SLC26A4: variants seen among roughly 807,000 people sequenced by gnomAD.
SLC26A4 encodes the protein solute carrier family 26 member 4, also known as pendrin.
A neutral mutation model predicts 90.4 loss-of-function variants in SLC26A4; 93 were observed. That is an observed-to-expected ratio of 1.03 (90% CI 0.87 to 1.22). SLC26A4 has a LOEUF of 1.22. SLC26A4 is among the 50% of genes most tolerant of loss of function. The probability of loss-of-function intolerance (pLI) is 0.00; values close to 1 mark genes in which losing one functional copy is unlikely to be tolerated. For missense variants in SLC26A4, 1,127 were observed against 946.2 expected (o/e 1.19, Z -2.51); for synonymous variants, 393 against 354.6 (o/e 1.11, Z -1.22).
At chr7:107,709,927 C>G (rs562547408) in intron 18 of SLC26A4, 127 bp from the exon 19 acceptor site, 1 of 724,564 alleles carries the variant, frequency 1.4e-6, no homozygotes. Flanking sequence ...ACTTGGGACG[C>G]GGAGGTTGCA....
At chr7:107,692,055 T>C (rs374998238) in intron 10 of SLC26A4, 16 of 1,289,310 alleles carry the variant, frequency 1.2e-5, no homozygotes, top group Middle Eastern at 4.3e-4. Context: ...CAGGCTCAAA[T>C]GAGGCATGGG....
chr7:107,697,717 C>T (rs530440695), intron 13 of SLC26A4, among the ~76,000 whole-genome samples: 34 of 152,292 alleles, frequency 2.2e-4, no homozygotes, highest in Non-Finnish European at 4.3e-4. Flanking sequence ...TACTGATGAC[C>T]TTTCAGGGTT....
At chr7:107,702,842 T>C (rs1167860043) in intron 17 of SLC26A4, among the ~76,000 whole-genome samples, 2 of 152,196 alleles carry the variant, frequency 1.3e-5, no homozygotes, top group African/African-American at 2.4e-5. Flanking sequence ...CTATTTGTTA[T>C]GTTAACAGCA....
In SLC26A4 at chr7:107,710,176, G is replaced by A. The variant is rs201693917; in HGVS notation, c.2212G>A (p.Gly738Ser). The A allele has an allele frequency of 5.0e-6, 8 of 1,606,232 alleles. No homozygotes were observed. Among genetic ancestry groups the A allele is most frequent in the Non-Finnish European group, 6.0e-6 (7 of 1,173,090 alleles). ...YLQNQVKSQE[G>S]QGSILETITL... ...ACAGAACCAAGTGAAATCTCAAGAG[G>A]GTCAAGGTTCCATTTTAGAAACGGT... The change falls in exon 19 of 21, where the codon GGT (glycine) becomes AGT (serine). Residue 738 changes from glycine to serine, a missense_variant. Transcript: ENST00000644269.
chr7:107,703,677 G>C (rs1043610270), intron 17 of SLC26A4, among the ~76,000 whole-genome samples: 3 of 152,200 alleles, frequency 2.0e-5, no homozygotes, highest in African/African-American at 7.2e-5. Context: ...TATAATGACA[G>C]TTATGATAGC....
At chr7:107,686,681 T>TCTCTACGGGG (rs1791431436) in intron 8 of SLC26A4, among the ~76,000 whole-genome samples, 1 of 152,018 alleles carries the variant, frequency 6.6e-6, no homozygotes, top group Non-Finnish European at 1.5e-5. Context: ...GGTTTCACCA[T>TCTCTACGGGG]GTTGGCCAGG....
chr7:107,681,234 G>A (rs1433605034), intron 6 of SLC26A4, among the ~76,000 whole-genome samples: 3 of 152,296 alleles, frequency 2.0e-5, no homozygotes, highest in East Asian at 3.9e-4. Flanking sequence ...AAGTTCAAGA[G>A]TCTTCCTACA....
At chr7:107,691,146 C>A (rs1175058647) in intron 10 of SLC26A4, among the ~76,000 whole-genome samples, 1 of 118,766 alleles carries the variant, frequency 8.4e-6, no homozygotes, top group East Asian at 2.8e-4. Context: ...CACACACATG[C>A]ACACACACAT....
chr7:107,675,104 A>G lies in SLC26A4; in HGVS notation c.760A>G (p.Ile254Val), dbSNP rs1307561226. The G allele has an allele frequency of 4.3e-6, 7 of 1,613,422 alleles. No homozygotes were observed. The highest frequency in any genetic ancestry group is 3.3e-5 in the Admixed American group (2 of 59,982). Residue 254 changes from isoleucine to valine, a missense_variant, in exon 6 of 21, where the codon ATC becomes GTC. Transcript: ENST00000644269. The part of the protein sequence containing the change: ...TKNYNGVLSI[I>V]YTLVEIFQNI... ...AAACTACAATGGAGTTCTCTCTATT[A>G]TCTATGTAAGTGTTGCTTCTTGCTC... is the stretch of plus-strand genomic sequence containing the variant.
intron 8 of SLC26A4, among the ~76,000 whole-genome samples, chr7:107,684,524 C>G (rs1313646059): frequency 6.6e-6 from 1 of 152,202 alleles, no homozygotes; most frequent in African/African-American, 2.4e-5. Flanking sequence ...CCTCTAATAT[C>G]TGTTCCAAAC....
chr7:107,699,412 T>C (rs1157244065), intron 14 of SLC26A4, among the ~76,000 whole-genome samples: 2 of 152,222 alleles, frequency 1.3e-5, no homozygotes, highest in Non-Finnish European at 2.9e-5. Flanking sequence ...CAAATCCCAT[T>C]GATTTTGCTT....
chr7:107,705,883 G>A (rs577128555), intron 18 of SLC26A4, among the ~76,000 whole-genome samples: 2 of 152,282 alleles, frequency 1.3e-5, no homozygotes, highest in African/African-American at 4.8e-5. Flanking sequence ...CAGCATTCTG[G>A]CGAACTCTCT....
At position 107,701,222 on chromosome 7, in the gene SLC26A4, C is replaced by T. The variant is rs760170242; in HGVS notation, c.1803+26C>T. 5.6e-6 allele frequency: 8 copies of T among 1,418,892 alleles called. No individual in the cohort carries two copies. In the East Asian group the frequency reaches 1.4e-4, roughly 24 times the overall value. 87.9% of individuals were successfully genotyped at this position (1,418,892 alleles called of 1,614,324 possible). A position where few individuals can be genotyped will look rare whatever the true frequency, so the allele number is the denominator to read the frequency against. ...GTGAGATGACATCTTTCTTTTCCCC[C>T]TTAAATTATTTCCTTTCCCTGATGA... On this transcript the variant is annotated intron_variant, in intron 16 of 20. Coordinates refer to ENST00000644269, the MANE Select transcript of SLC26A4 (RefSeq NM_000441.2).
intron 10 of SLC26A4, among the ~76,000 whole-genome samples, chr7:107,690,535 T>C (rs1791539305): frequency 2.6e-5 from 4 of 152,204 alleles, no homozygotes; most frequent in African/African-American, 7.2e-5. Context: ...TAATGAAGGA[T>C]GCTGATTTTT....
At chr7:107,709,437 A>G (rs1223662715) in intron 18 of SLC26A4, among the ~76,000 whole-genome samples, 2 of 152,104 alleles carry the variant, frequency 1.3e-5, no homozygotes, top group African/African-American at 2.4e-5. Context: ...CACCTGGCTA[A>G]TTTTTGTATT....
Position 107,709,147 on chromosome 7 carries a change from C to T in SLC26A4, c.2090-907C>T, listed in dbSNP as rs141423473. 7.1e-4 allele frequency among the ~76,000 whole-genome samples: 108 copies of T among 152,304 alleles called. 3 individuals are homozygous for T. In the East Asian group the frequency reaches 0.019, roughly 27 times the overall value. On this transcript the variant is annotated intron_variant, in intron 18 of 20. Transcript: ENST00000644269. ...AGATCCCTGATTTCACAGGGAGCACCACCACAGGAAGAGTACCAGAAGGTT... is the reference window on the plus strand; with the variant it reads ...AGATCCCTGATTTCACAGGGAGCACTACCACAGGAAGAGTACCAGAAGGTT...
At chr7:107,710,259 G>T in intron 19 of SLC26A4, 60 bp downstream of exon 19, 2 of 1,238,580 alleles carry the variant, frequency 1.6e-6, no homozygotes, top group African/African-American at 1.5e-5. Context: ...TTCTATAAAT[G>T]GCAAACATTA....
At chr7:107,713,249 C>A (rs1792241692) in intron 20 of SLC26A4, among the ~76,000 whole-genome samples, 1 of 152,190 alleles carries the variant, frequency 6.6e-6, no homozygotes, top group Admixed American at 6.5e-5. Context: ...AACATTCTAG[C>A]CCATGCAGAA....
Position 107,715,434 on chromosome 7 carries a change from A to T in SLC26A4, c.2331A>T (p.Thr777=). The change falls in exon 21 of 21, where the codon ACA becomes ACT. Residue 777 remains threonine, a synonymous_variant. Coordinates refer to ENST00000644269, the MANE Select transcript of SLC26A4 (RefSeq NM_000441.2). Reference sequence around the variant, plus strand: ...CCTTGCTTCCACAGGCTATGCGTACACTTGCATCCTGAAAGTGGGTTCGGG... The same window carrying T: ...CCTTGCTTCCACAGGCTATGCGTACTCTTGCATCCTGAAAGTGGGTTCGGG... ...ELDVQDEAMR[T]LAS The T allele has an allele frequency of 6.2e-7, 1 of 1,613,582 alleles. No homozygotes were observed. The highest frequency in any genetic ancestry group is 8.5e-7 in the Non-Finnish European group (1 of 1,179,498).
Sources: allele counts gnomAD v4.1 joint callset (sites outside exome capture counted in the v4.1 genomes callset), GRCh38; gene constraint gnomAD v4.1.1; transcripts MANE v1.5; gene names NCBI Gene and HGNC (gene_info 2026-07-23, HGNC 2026-07-21).